Variants in SLC24A2 observed in about 807,000 individuals in gnomAD.
SLC24A2 encodes sodium/potassium/calcium exchanger 2.
In SLC24A2, 36 loss-of-function variants were observed where a neutral mutation model predicts 62.0. That is an observed-to-expected ratio of 0.58 (90% CI 0.44 to 0.77). The LOEUF (loss-of-function observed/expected upper bound fraction) is 0.77, where lower values mean the gene tolerates loss of function less well. Ranked by LOEUF, SLC24A2 falls within the 30% of genes least tolerant of loss-of-function variation. SLC24A2 has a pLI of 0.00. For missense variants in SLC24A2, 846 were observed against 817.9 expected, an observed-to-expected ratio of 1.03 and a Z score of -0.42; for synonymous variants, 358 against 294.0, an observed-to-expected ratio of 1.22 and a Z score of -2.23.
chr9:20,192,629 T>C, the SLC24A2 span, among the ~76,000 whole-genome samples: 3 of 152,190 alleles, frequency 2.0e-5, no homozygotes, highest in Non-Finnish European at 4.4e-5. Flanking sequence ...GATTAAGAAC[T>C]ATGTCATTAT....
chr9:20,273,334 G>A, the SLC24A2 span, among the ~76,000 whole-genome samples: 1 of 152,142 alleles, frequency 6.6e-6, no homozygotes, highest in Non-Finnish European at 1.5e-5. Flanking sequence ...TATTCCCAGA[G>A]AAAAGAAACA....
At chr9:20,004,910 T>C in the SLC24A2 span, among the ~76,000 whole-genome samples, 3 of 151,824 alleles carry the variant, frequency 2.0e-5, no homozygotes, top group African/African-American at 7.2e-5. Flanking sequence ...ATCACTTTTT[T>C]TGAAAAAAAA....
At chr9:20,051,481 A>G in the SLC24A2 span, among the ~76,000 whole-genome samples, 2 of 152,088 alleles carry the variant, frequency 1.3e-5, no homozygotes, top group South Asian at 2.1e-4. Context: ...CAACATGATT[A>G]GCAAACTTCA....
At chr9:19,948,800 G>T in the SLC24A2 span, among the ~76,000 whole-genome samples, 90 of 135,080 alleles carry the variant, frequency 6.7e-4, no homozygotes, top group African/African-American at 2.4e-3. Flanking sequence ...AGCGGAGATC[G>T]CGCCACAGCA....
At chr9:19,544,005 G>T (rs1202979024) in intron 8 of SLC24A2, among the ~76,000 whole-genome samples, 1 of 152,122 alleles carries the variant, frequency 6.6e-6, no homozygotes, top group Non-Finnish European at 1.5e-5. Context: ...CTGTCTCATT[G>T]ATGTGTCTAA....
chr9:19,748,406 A>C (rs1426741065), intron 2 of SLC24A2, among the ~76,000 whole-genome samples: 1 of 152,184 alleles, frequency 6.6e-6, no homozygotes, highest in African/African-American at 2.4e-5. Flanking sequence ...AGTATAACAC[A>C]AGAAGTTTTA....
At chr9:19,895,152 C>T in the SLC24A2 span, among the ~76,000 whole-genome samples, 2 of 152,090 alleles carry the variant, frequency 1.3e-5, no homozygotes, top group South Asian at 2.1e-4. Flanking sequence ...ACAACCAGCA[C>T]TAAATGACTT....
the SLC24A2 span, among the ~76,000 whole-genome samples, chr9:20,013,076 A>G: frequency 2.4e-4 from 37 of 152,326 alleles, no homozygotes; most frequent in Middle Eastern, 0.01. Flanking sequence ...TTGAAACCAC[A>G]AAAGACTCTG....
At chr9:19,686,488 T>C (rs1819883944) in intron 2 of SLC24A2, among the ~76,000 whole-genome samples, 1 of 152,056 alleles carries the variant, frequency 6.6e-6, no homozygotes, top group Non-Finnish European at 1.5e-5. Context: ...CCCACCCAAA[T>C]CTCATCTTGA....
the SLC24A2 span, among the ~76,000 whole-genome samples, chr9:20,029,571 G>A: frequency 6.6e-6 from 1 of 152,156 alleles, no homozygotes; most frequent in African/African-American, 2.4e-5. Context: ...GTTGGATACT[G>A]CCTGATCTCA....
chr9:19,554,193 G>T (rs1210767227), intron 7 of SLC24A2, among the ~76,000 whole-genome samples: 1 of 152,002 alleles, frequency 6.6e-6, no homozygotes, highest in African/African-American at 2.4e-5. Context: ...CAAGAAGGCA[G>T]CGGCAGCAAG....
the SLC24A2 span, among the ~76,000 whole-genome samples, chr9:20,005,407 A>G: frequency 6.6e-6 from 1 of 152,192 alleles, no homozygotes; most frequent in Admixed American, 6.5e-5. Context: ...AGGACTTTAC[A>G]TATGTTAGCT....
At chr9:20,071,195 GCTT>G in the SLC24A2 span, among the ~76,000 whole-genome samples, 2 of 152,106 alleles carry the variant, frequency 1.3e-5, no homozygotes, top group Non-Finnish European at 2.9e-5. Context: ...GGCCAGTTAA[GCTT>G]CTTTTCTTTA....
At chr9:19,809,636 A>C in the SLC24A2 span, among the ~76,000 whole-genome samples, 1 of 152,126 alleles carries the variant, frequency 6.6e-6, no homozygotes, top group Non-Finnish European at 1.5e-5. Context: ...AGCCACATGT[A>C]CAGTAAGGAG....
chr9:19,986,465 C>T, the SLC24A2 span, among the ~76,000 whole-genome samples: 2,524 of 152,156 alleles, frequency 0.017, 76 homozygotes, highest in African/African-American at 0.058. Flanking sequence ...TGCAAGCAAG[C>T]ACTTAGCAAA....
chr9:19,770,557 T>C (rs942237759), intron 2 of SLC24A2, among the ~76,000 whole-genome samples: 1 of 152,194 alleles, frequency 6.6e-6, no homozygotes, highest in Non-Finnish European at 1.5e-5. Context: ...CCATTCCTAT[T>C]ACCTTACTAA....
the SLC24A2 span, among the ~76,000 whole-genome samples, chr9:19,824,163 T>C: frequency 1.3e-5 from 2 of 152,068 alleles, no homozygotes; most frequent in African/African-American, 2.4e-5. Context: ...AAAGCCAAAA[T>C]TGACAAATGG....
chr9:19,593,881 C>T (rs903085106), intron 5 of SLC24A2, among the ~76,000 whole-genome samples: 5 of 152,220 alleles, frequency 3.3e-5, no homozygotes, highest in South Asian at 2.1e-4. Flanking sequence ...ACTCTTTGAG[C>T]CTTGGTTTTC....
At chr9:20,306,088 G>C in the SLC24A2 span, among the ~76,000 whole-genome samples, 1 of 152,084 alleles carries the variant, frequency 6.6e-6, no homozygotes, top group Admixed American at 6.5e-5. Context: ...ATTATTCTGA[G>C]GTACTAGGGG....
Sources: allele counts gnomAD v4.1 joint callset (sites outside exome capture counted in the v4.1 genomes callset), GRCh38; gene constraint gnomAD v4.1.1; transcripts MANE v1.5; gene names NCBI Gene and HGNC (gene_info 2026-07-23, HGNC 2026-07-21).